The following ALDH2 variants were observed in gnomAD, a reference collection of about 807,000 sequenced individuals.
ALDH2 encodes aldehyde dehydrogenase, mitochondrial.
In ALDH2, 44 loss-of-function variants were observed where a neutral mutation model predicts 59.6. The ratio of observed to expected loss-of-function variants is 0.74; its 90% CI spans 0.58 to 0.95. The LOEUF (loss-of-function observed/expected upper bound fraction) is 0.95, where lower values mean the gene tolerates loss of function less well. Ranked by LOEUF, ALDH2 falls within the 40% of genes least tolerant of loss-of-function variation. ALDH2 has a pLI of 0.00. For missense variants in ALDH2, 570 were observed against 696.3 expected (o/e 0.82, Z 2.04); for synonymous variants, 291 against 284.0 (o/e 1.02, Z -0.25).
rs145077856 is a variant in ALDH2 at position 111,792,124 on chromosome 12, G to C, written c.859G>C (p.Gly287Arg). The stretch of plus-strand genomic sequence containing the variant: ...CCTCAAGAGAGTGACCTTGGAGCTG[G>C]GGGGGAAGAGCCCCAACATCATCAT... Reference protein sequence around the residue: ...SNLKRVTLELGGKSPNIIMSD... With the variant: ...SNLKRVTLELRGKSPNIIMSD... Residue 287 changes from glycine to arginine, a missense_variant, in exon 8 of 13, where the codon GGG becomes CGG. Physicochemically the swap from Gly to Arg is moderately radical, Grantham distance 125 (BLOSUM62 -2). Transcript: ENST00000261733. 1.1e-5 allele frequency: 17 copies of C among 1,607,816 alleles called. No homozygotes were observed. The highest frequency in any genetic ancestry group is 8.7e-5 in the Admixed American group (5 of 57,436).
Position 111,779,720 on chromosome 12 carries a change from G to A in ALDH2, c.115-2198G>A, listed in dbSNP as rs999547099. Reference sequence around the variant, plus strand: ...GAGAGGCAGATGTCTTTGCCTTCACGTCACCTGTAGCCTTTGCCTCAGCAC... The same window carrying A: ...GAGAGGCAGATGTCTTTGCCTTCACATCACCTGTAGCCTTTGCCTCAGCAC... On this transcript the variant is annotated intron_variant, in intron 1 of 12. Transcript: ENST00000261733. Among the ~76,000 whole-genome samples the A allele has an allele frequency of 5.9e-5, 9 of 152,180 alleles. No individual in the cohort carries two copies. In the South Asian group the frequency reaches 6.2e-4, roughly 10 times the overall value.
At chr12:111,767,666 G>T (rs1328704844) in intron 1 of ALDH2, among the ~76,000 whole-genome samples, 2 of 152,236 alleles carry the variant, frequency 1.3e-5, no homozygotes, top group African/African-American at 4.8e-5. Flanking sequence ...ACCCCAAGGG[G>T]TGTCTGCGGC....
At chr12:111,772,114 A>G (rs984321731) in intron 1 of ALDH2, among the ~76,000 whole-genome samples, 2 of 152,078 alleles carry the variant, frequency 1.3e-5, no homozygotes, top group African/African-American at 4.8e-5. Context: ...AAACTCCCCA[A>G]AAAACAAAAA....
At position 111,814,507 on chromosome 12, in the gene ALDH2, T is replaced by A. The variant is rs1465963547; in HGVS notation, c.*4932T>A. On this transcript the variant is annotated 3_prime_UTR_variant, in exon 13 of 13. Coordinates refer to ENST00000261733, the MANE Select transcript of ALDH2 (RefSeq NM_000690.4). ...GTGAGCTAAGATCGCACCACTGCAC[T>A]CCAGCCTGGGTGACAGAACGAGACT... 1 of 137,964 alleles carries A rather than the reference T, an allele frequency of 7.2e-6. No individual in the cohort carries two copies. The highest frequency in any genetic ancestry group is 2.2e-4 in the East Asian group (1 of 4,622). The allele number at this position is 137,964 out of a possible 1,614,324, so 8.5% of individuals were successfully genotyped here. A position where few individuals can be genotyped will look rare whatever the true frequency, so the allele number is the denominator to read the frequency against.
In ALDH2 at chr12:111,813,870, A is replaced by T. The variant is rs2068552867; in HGVS notation, c.*4295A>T. 6.6e-6 allele frequency: 1 copy of T among 152,198 alleles called. No individual in the cohort carries two copies. Among genetic ancestry groups the T allele is most frequent in the Admixed American group, 6.6e-5 (1 of 15,266 alleles). 9.4% of individuals were successfully genotyped at this position (152,198 alleles called of 1,614,324 possible). A position where few individuals can be genotyped will look rare whatever the true frequency, so the allele number is the denominator to read the frequency against. Reference sequence around the variant, plus strand: ...TTTGGGGTGATGAAAATGTTTTGGAACCAGATACAGGTGGTGGTTGTACAA... The same window carrying T: ...TTTGGGGTGATGAAAATGTTTTGGATCCAGATACAGGTGGTGGTTGTACAA... On this transcript the variant is annotated 3_prime_UTR_variant, in exon 13 of 13. Transcript: ENST00000261733.
In ALDH2 at chr12:111,792,681, C is replaced by T. The variant is rs755579750; in HGVS notation, c.982C>T (p.Gln328Ter). The T allele has an allele frequency of 6.2e-7, 1 of 1,609,014 alleles. No homozygotes were observed. The highest frequency in any genetic ancestry group is 2.2e-5 in the East Asian group (1 of 44,584). The change falls in exon 9 of 13, where the codon CAG becomes TAG. Residue 328 changes from glutamine to a stop codon, truncating the protein, a stop_gained. Coordinates refer to ENST00000261733, the MANE Select transcript of ALDH2 (RefSeq NM_000690.4). LOFTEE classifies it high-confidence loss of function. ...CCCAGSRTFV[Q>*]EDIYDEFVER... The stretch of plus-strand genomic sequence containing the variant: ...CTGTGCCGGCTCCCGGACCTTCGTG[C>T]AGGAGGACATCTATGATGAGTTTGT...
intron 9 of ALDH2, among the ~76,000 whole-genome samples, chr12:111,795,011 A>G (rs2068391921): frequency 6.6e-6 from 1 of 152,070 alleles, no homozygotes; most frequent in African/African-American, 2.4e-5. Context: ...TACCAGGCCC[A>G]GGCAACCACC....
At chr12:111,781,820 C>T (rs2068273773) in intron 1 of ALDH2, 98 bp from the exon 2 acceptor site, 2 of 873,784 alleles carry the variant, frequency 2.3e-6, no homozygotes, top group East Asian at 2.7e-5. Context: ...GAAATTAATT[C>T]ATATTTGCTT....
At chr12:111,783,009 C>T (rs2068283938) in intron 2 of ALDH2, 149 bp from the exon 3 acceptor site, 1 of 947,784 alleles carries the variant, frequency 1.1e-6, no homozygotes, top group Non-Finnish European at 1.5e-6. Flanking sequence ...CTCATCAGGG[C>T]TCTGCCGGGC....
At chr12:111,776,736 G>A (rs1409878876) in intron 1 of ALDH2, among the ~76,000 whole-genome samples, 1 of 151,680 alleles carries the variant, frequency 6.6e-6, no homozygotes, top group Non-Finnish European at 1.5e-5. Flanking sequence ...CCAGGCTGGA[G>A]TACAGTGGTG....
At chr12:111,773,186 G>A (rs1330907085) in intron 1 of ALDH2, among the ~76,000 whole-genome samples, 1 of 151,966 alleles carries the variant, frequency 6.6e-6, no homozygotes, top group Non-Finnish European at 1.5e-5. Context: ...GGAGGCGGAG[G>A]TTGTGGTGGG....
chr12:111,787,887 A>T (rs1042914736), intron 4 of ALDH2, among the ~76,000 whole-genome samples: 2 of 151,966 alleles, frequency 1.3e-5, no homozygotes, highest in Non-Finnish European at 2.9e-5. Flanking sequence ...TATATATAAA[A>T]AATTAGCTGG....
rs1202783201 is a variant in ALDH2 at position 111,809,540 on chromosome 12, C to T, written c.1522-3C>T. 7 of 1,614,174 alleles carry T rather than the reference C, an allele frequency of 4.3e-6. No individual in the cohort carries two copies. Among genetic ancestry groups the T allele is most frequent in the Non-Finnish European group, 5.9e-6 (7 of 1,180,018 alleles). On this transcript the variant is annotated splice_polypyrimidine_tract_variant and splice_region_variant and intron_variant, in intron 12 of 12. Transcript: ENST00000261733. Reference sequence around the variant, plus strand: ...TCTAACGGCTTCTCTGTCCCCCTTACAGGTCACAGTCAAAGTGCCTCAGAA... The same window carrying T: ...TCTAACGGCTTCTCTGTCCCCCTTATAGGTCACAGTCAAAGTGCCTCAGAA...
At chr12:111,807,687 C>T (rs993300074) in intron 12 of ALDH2, among the ~76,000 whole-genome samples, 13 of 151,952 alleles carry the variant, frequency 8.6e-5, no homozygotes, top group African/African-American at 3.1e-4. Context: ...GCTGTGATGG[C>T]GAGAAATATG....
chr12:111,768,520 T>C (rs1320049735), intron 1 of ALDH2, among the ~76,000 whole-genome samples: 3 of 152,246 alleles, frequency 2.0e-5, no homozygotes, highest in African/African-American at 4.8e-5. Flanking sequence ...TGCAAGTTCA[T>C]GCTTGGAAGA....
chr12:111,766,939 C>T lies in ALDH2; in HGVS notation c.-44C>T, dbSNP rs2068161462. 2 of 1,490,844 alleles carry T rather than the reference C, an allele frequency of 1.3e-6. No individual in the cohort carries two copies. Among genetic ancestry groups the T allele is most frequent in the Non-Finnish European group, 8.9e-7 (1 of 1,119,764 alleles). The allele number at this position is 1,490,844 out of a possible 1,614,324, so 92.4% of individuals were successfully genotyped here. A position where few individuals can be genotyped will look rare whatever the true frequency, so the allele number is the denominator to read the frequency against. ...GGGTCGGCTCAGTGGCCCTGAGACC[C>T]TAGCTCTGCTCTCGGTCCGCTCGCT... On this transcript the variant is annotated 5_prime_UTR_variant, in exon 1 of 13. Coordinates refer to ENST00000261733, the MANE Select transcript of ALDH2 (RefSeq NM_000690.4).
intron 4 of ALDH2, among the ~76,000 whole-genome samples, chr12:111,789,550 G>A (rs1468085195): frequency 6.6e-6 from 1 of 151,912 alleles, no homozygotes; most frequent in African/African-American, 2.4e-5. Context: ...CTGGGCATGA[G>A]CCCCAGAGAG....
At chr12:111,772,447 C>G (rs2068206354) in intron 1 of ALDH2, among the ~76,000 whole-genome samples, 2 of 152,058 alleles carry the variant, frequency 1.3e-5, no homozygotes, top group Non-Finnish European at 2.9e-5. Context: ...TCACTGCAAC[C>G]TCTGCCTCCC....
chr12:111,792,292 A>G (rs973112753), intron 8 of ALDH2, 129 bp downstream of exon 8: 16 of 773,098 alleles, frequency 2.1e-5, no homozygotes, highest in Admixed American at 5.7e-5. Context: ...CCTCAGGATA[A>G]GACGCCAGCG....
Sources: allele counts gnomAD v4.1 joint callset (sites outside exome capture counted in the v4.1 genomes callset), GRCh38; gene constraint gnomAD v4.1.1; transcripts MANE v1.5; gene names NCBI Gene and HGNC (gene_info 2026-07-23, HGNC 2026-07-21).